The following PHF24 variants were observed in gnomAD, a reference collection of about 807,000 sequenced individuals.
PHF24 encodes the protein Galpha inhibitory interacting protein.
In PHF24, 25 loss-of-function variants were observed where a neutral mutation model predicts 42.6. The observed-to-expected ratio is 0.59, with a 90% CI of 0.43 to 0.82. PHF24 has a LOEUF of 0.82. Among genes scored for constraint, PHF24 ranks in the 40% least tolerant of loss-of-function variants. PHF24 has a pLI of 0.00. For missense variants in PHF24, 470 were observed against 538.1 expected (o/e 0.87, Z 1.25); for synonymous variants, 185 against 204.8 (o/e 0.90, Z 0.83).
At chr9:34,790,001 C>G in the PHF24 span, among the ~76,000 whole-genome samples, 2 of 152,134 alleles carry the variant, frequency 1.3e-5, no homozygotes, top group East Asian at 3.9e-4. Flanking sequence ...CATGCGCCAC[C>G]ATGCCTGGCT....
At chr9:34,859,177 T>C in the PHF24 span, among the ~76,000 whole-genome samples, 1 of 152,162 alleles carries the variant, frequency 6.6e-6, no homozygotes, top group East Asian at 1.9e-4. Context: ...TTACTATATA[T>C]ATTTTCTCAT....
chr9:34,885,897 C>T, the PHF24 span, among the ~76,000 whole-genome samples: 1 of 151,812 alleles, frequency 6.6e-6, no homozygotes, highest in Non-Finnish European at 1.5e-5. Context: ...AATCTCTCTC[C>T]ACACCCAGCT....
At chr9:34,892,110 T>A in the PHF24 span, among the ~76,000 whole-genome samples, 5 of 152,106 alleles carry the variant, frequency 3.3e-5, no homozygotes, top group African/African-American at 1.2e-4. Context: ...GAAACCACAG[T>A]AAGGTAGCTA....
At chr9:34,720,467 C>CA in the PHF24 span, among the ~76,000 whole-genome samples, 220 of 141,038 alleles carry the variant, frequency 1.6e-3, 8 homozygotes, top group African/African-American at 5.1e-3. Flanking sequence ...AAAAACAAAA[C>CA]AAAACAAAAA....
the PHF24 span, among the ~76,000 whole-genome samples, chr9:34,783,408 C>T: frequency 2.0e-5 from 3 of 152,202 alleles, no homozygotes; most frequent in Non-Finnish European, 4.4e-5. Context: ...TTTCAATTGT[C>T]TTCACATCCC....
chr9:34,708,597 C>T, the PHF24 span, among the ~76,000 whole-genome samples: 1 of 152,206 alleles, frequency 6.6e-6, no homozygotes, highest in Non-Finnish European at 1.5e-5. Context: ...CCTAGGGACC[C>T]TTCCAAAGAA....
the PHF24 span, among the ~76,000 whole-genome samples, chr9:34,936,158 C>A: frequency 2.0e-5 from 3 of 152,078 alleles, no homozygotes; most frequent in Non-Finnish European, 4.4e-5. Flanking sequence ...CGGCTCACTG[C>A]AACCTCCCTG....
At chr9:34,710,933 C>T in the PHF24 span, among the ~76,000 whole-genome samples, 1 of 152,032 alleles carries the variant, frequency 6.6e-6, no homozygotes, top group Non-Finnish European at 1.5e-5. Flanking sequence ...GTAGCATAAC[C>T]ATTTTGATTC....
exon 5 of PHF24, chr9:34,976,717 C>T: frequency 6.2e-7 from 1 of 1,613,800 alleles, no homozygotes; most frequent in Non-Finnish European, 8.5e-7. Context: ...GTCCCTCCTG[C>T]TTCTGCAGCA....
the PHF24 span, among the ~76,000 whole-genome samples, chr9:34,891,864 C>T: frequency 1.3e-5 from 2 of 152,192 alleles, no homozygotes; most frequent in Non-Finnish European, 2.9e-5. Context: ...GCCTCTACAG[C>T]AGGTGCCACT....
At chr9:34,802,096 G>A in the PHF24 span, among the ~76,000 whole-genome samples, 3,679 of 152,158 alleles carry the variant, frequency 0.024, 144 homozygotes, top group African/African-American at 0.082. Flanking sequence ...TTAGAAAGAA[G>A]AATGGTCTAG....
At chr9:34,729,291 C>T in the PHF24 span, 1 of 1,552,012 alleles carries the variant, frequency 6.4e-7, no homozygotes, top group Non-Finnish European at 8.7e-7. Context: ...TACCCGGCAG[C>T]AGCTCCTTTT....
At chr9:34,889,559 C>T in the PHF24 span, 2 of 398,436 alleles carry the variant, frequency 5.0e-6, no homozygotes, top group Admixed American at 4.4e-5. Flanking sequence ...ATTCCTCATG[C>T]CTTCGATCTT....
At chr9:34,678,893 G>A in the PHF24 span, among the ~76,000 whole-genome samples, 14 of 152,302 alleles carry the variant, frequency 9.2e-5, no homozygotes, top group African/African-American at 3.1e-4. Context: ...GCCTCCCAAA[G>A]TGCTAGGATT....
the PHF24 span, among the ~76,000 whole-genome samples, chr9:34,669,458 T>C: frequency 6.6e-6 from 1 of 151,868 alleles, no homozygotes; most frequent in Non-Finnish European, 1.5e-5. Flanking sequence ...TGAGCAGAGA[T>C]GGACAAATGA....
the PHF24 span, chr9:34,723,293 C>T: frequency 2.8e-5 from 43 of 1,551,450 alleles, no homozygotes; most frequent in East Asian, 4.9e-4. Context: ...AGGGCAGTGG[C>T]GGGGGTAGCC....
At chr9:34,847,402 G>A in the PHF24 span, among the ~76,000 whole-genome samples, 21 of 152,118 alleles carry the variant, frequency 1.4e-4, no homozygotes, top group Admixed American at 1.4e-3. Flanking sequence ...CTCTCTGTTT[G>A]TCTGTTATTG....
the PHF24 span, among the ~76,000 whole-genome samples, chr9:34,893,550 G>A: frequency 6.6e-6 from 1 of 151,692 alleles, no homozygotes; most frequent in East Asian, 1.9e-4. Context: ...GCAGTGAGCC[G>A]AGATTGTGCC....
At chr9:34,765,075 T>C in the PHF24 span, among the ~76,000 whole-genome samples, 1 of 151,904 alleles carries the variant, frequency 6.6e-6, no homozygotes, top group Admixed American at 6.6e-5. Flanking sequence ...CAGTTTGTTA[T>C]AATTTCTGTT....
Sources: gnomAD v4.1 joint callset for allele counts (sites outside exome capture counted in the v4.1 genomes callset) on GRCh38, gnomAD v4.1.1 for gene constraint, MANE v1.5 for transcripts, NCBI Gene and HGNC (gene_info 2026-07-23, HGNC 2026-07-21) for gene names.